Variants in SMAD3 observed in about 807,000 individuals in gnomAD.
SMAD3 encodes SMAD family member 3, also known as MAD homolog 3.
In SMAD3, 12 loss-of-function variants were observed where a neutral mutation model predicts 51.8. That is an observed-to-expected ratio of 0.23 (90% CI 0.15 to 0.38). SMAD3 has a LOEUF of 0.38. Ranked by LOEUF, SMAD3 falls within the 10% of genes least tolerant of loss-of-function variation. SMAD3 has a pLI of 1.00. For synonymous variants in SMAD3, 238 were observed against 227.7 expected (o/e 1.05, Z -0.41); for missense variants, 294 against 565.6 (o/e 0.52, Z 4.87).
intron 1 of SMAD3, among the ~76,000 whole-genome samples, chr15:67,149,180 G>A (rs949055318): frequency 5.3e-5 from 8 of 152,202 alleles, no homozygotes; most frequent in African/African-American, 9.6e-5. Context: ...GCACCTCAGC[G>A]CACTATGCTG....
intron 6 of SMAD3, 98 bp from the exon 7 acceptor site, chr15:67,184,629 A>C: frequency 6.9e-7 from 1 of 1,449,654 alleles, no homozygotes; most frequent in Non-Finnish European, 9.6e-7. Context: ...CACTGGGAGC[A>C]GCTCTGCTGT....
intron 1 of SMAD3, among the ~76,000 whole-genome samples, chr15:67,151,891 A>C (rs1413746283): frequency 6.6e-6 from 1 of 152,154 alleles, no homozygotes; most frequent in Non-Finnish European, 1.5e-5. Context: ...ATGTTACTAT[A>C]TAAGCATTCA....
intron 1 of SMAD3, among the ~76,000 whole-genome samples, chr15:67,157,532 C>A (rs1470806712): frequency 6.6e-6 from 1 of 152,272 alleles, no homozygotes. Context: ...GCTCACATAG[C>A]AGTCGTGTGC....
chr15:67,115,401 G>C (rs1388663688), intron 1 of SMAD3, among the ~76,000 whole-genome samples: 5 of 152,180 alleles, frequency 3.3e-5, no homozygotes, highest in South Asian at 2.1e-4. Context: ...TGCTTTGATG[G>C]AAATGTGATG....
rs1595888238 is a variant in SMAD3, at chr15:67,079,772, T to A, written c.206+13412T>A. Among the ~76,000 whole-genome samples, 2 of 152,210 alleles carry A rather than the reference T, an allele frequency of 1.3e-5. 1 individual carries two copies. The highest frequency in any genetic ancestry group is 3.8e-4 in the East Asian group (2 of 5,200). On this transcript the variant is annotated intron_variant, in intron 1 of 8. Coordinates refer to ENST00000327367, the MANE Select transcript of SMAD3 (RefSeq NM_005902.4). The stretch of plus-strand genomic sequence containing the variant: ...AATCTTAACTCTGGTCTCTGGTTCC[T>A]AGTTCTCTGAGCTCTACCCCATAGC...
At chr15:67,101,450 C>T (rs1436192797) in intron 1 of SMAD3, among the ~76,000 whole-genome samples, 2 of 152,128 alleles carry the variant, frequency 1.3e-5, no homozygotes, top group Non-Finnish European at 1.5e-5. Flanking sequence ...CCCCCTGACT[C>T]TCCCACCCTC....
chr15:67,110,351 G>A (rs1445503117), intron 1 of SMAD3, among the ~76,000 whole-genome samples: 1 of 152,168 alleles, frequency 6.6e-6, no homozygotes, highest in Admixed American at 6.5e-5. Flanking sequence ...TGCCCACCTA[G>A]TTTTCCCATG....
intron 1 of SMAD3, among the ~76,000 whole-genome samples, chr15:67,118,570 C>T (rs549474241): frequency 1.3e-5 from 2 of 152,200 alleles, no homozygotes; most frequent in African/African-American, 4.8e-5. Flanking sequence ...TCACGGAAGG[C>T]GCTGGAAGGA....
chr15:67,084,144 C>T (rs1042259062), intron 1 of SMAD3, among the ~76,000 whole-genome samples: 15 of 132,500 alleles, frequency 1.1e-4, no homozygotes, highest in African/African-American at 2.3e-4. Flanking sequence ...GATGCGATCT[C>T]GGCTCACTGC....
intron 1 of SMAD3, among the ~76,000 whole-genome samples, chr15:67,074,094 T>G (rs1960115573): frequency 6.6e-6 from 1 of 152,256 alleles, no homozygotes; most frequent in Non-Finnish European, 1.5e-5. Context: ...TTTACATAAG[T>G]AAAAATAATA....
intron 1 of SMAD3, among the ~76,000 whole-genome samples, chr15:67,069,695 C>T (rs1050095966): frequency 1.3e-5 from 2 of 150,616 alleles, no homozygotes; most frequent in African/African-American, 4.9e-5. Flanking sequence ...GCATCTACTC[C>T]CTCCCTGTGA....
At chr15:67,139,440 C>T (rs889175350) in intron 1 of SMAD3, among the ~76,000 whole-genome samples, 2 of 152,146 alleles carry the variant, frequency 1.3e-5, no homozygotes, top group Non-Finnish European at 2.9e-5. Context: ...CATTTCTTCC[C>T]TAGCCTTTAA....
intron 6 of SMAD3, among the ~76,000 whole-genome samples, chr15:67,182,077 G>A (rs1286977371): frequency 2.6e-5 from 4 of 152,204 alleles, no homozygotes; most frequent in Non-Finnish European, 4.4e-5. Context: ...GTGAGCCACC[G>A]TGCCTGGCTG....
intron 1 of SMAD3, among the ~76,000 whole-genome samples, chr15:67,094,971 C>T (rs894729166): frequency 4.6e-5 from 7 of 152,206 alleles, no homozygotes; most frequent in Non-Finnish European, 8.8e-5. Context: ...AGTCACGCCA[C>T]TTCCCTGAGC....
At chr15:67,077,201 C>T (rs961336127) in intron 1 of SMAD3, among the ~76,000 whole-genome samples, 1 of 151,510 alleles carries the variant, frequency 6.6e-6, no homozygotes. Context: ...TGTATTTTTG[C>T]TCTTAGGGCA....
intron 1 of SMAD3, among the ~76,000 whole-genome samples, chr15:67,136,726 A>C (rs1425698053): frequency 6.6e-6 from 1 of 152,176 alleles, no homozygotes; most frequent in Non-Finnish European, 1.5e-5. Flanking sequence ...TATTGTGGAA[A>C]ATTTAGAACA....
intron 5 of SMAD3, among the ~76,000 whole-genome samples, chr15:67,173,308 C>T (rs1032889510): frequency 1.3e-5 from 2 of 152,042 alleles, no homozygotes; most frequent in Admixed American, 1.3e-4. Context: ...TGCGTTGTGC[C>T]AGGTGCCCAG....
chr15:67,169,537 G>A (rs1962685487), intron 4 of SMAD3, among the ~76,000 whole-genome samples: 1 of 151,956 alleles, frequency 6.6e-6, no homozygotes, highest in African/African-American at 2.4e-5. Context: ...AGGCTGGTGT[G>A]CAGTGGTGCA....
At chr15:67,152,260 T>C (rs1039020132) in intron 1 of SMAD3, among the ~76,000 whole-genome samples, 3 of 152,232 alleles carry the variant, frequency 2.0e-5, no homozygotes, top group African/African-American at 7.2e-5. Context: ...TGGAACATCA[T>C]GTTGTCGTAG....
Sources: gnomAD v4.1 joint callset for allele counts (sites outside exome capture counted in the v4.1 genomes callset) on GRCh38, gnomAD v4.1.1 for gene constraint, MANE v1.5 for transcripts, NCBI Gene and HGNC (gene_info 2026-07-23, HGNC 2026-07-21) for gene names.